Variants in ZNF717 observed in about 807,000 individuals in gnomAD.
The protein encoded by ZNF717 is zinc finger protein 717.
Under a neutral mutation model 13.8 loss-of-function variants are expected in ZNF717, and 9 were observed. That is an observed-to-expected ratio of 0.65 (90% CI 0.39 to 1.14). ZNF717 has a LOEUF of 1.14. ZNF717 is among the 50% of genes most tolerant of loss of function. The pLI is 0.01. For missense variants in ZNF717, 1,040 were observed against 1,080.7 expected, an observed-to-expected ratio of 0.96 and a Z score of 0.53; for synonymous variants, 327 against 364.1, an observed-to-expected ratio of 0.90 and a Z score of 1.16.
At chr3:75,760,290 C>T (rs374260310) in intron 2 of ZNF717, among the ~76,000 whole-genome samples, 4 of 143,992 alleles carry the variant, frequency 2.8e-5, no homozygotes, top group South Asian at 2.2e-4. Context: ...ATGATCCGCC[C>T]GCCTCGGCCT....
At chr3:75,771,497 C>T (rs1943864651) in intron 2 of ZNF717, among the ~76,000 whole-genome samples, 1 of 152,358 alleles carries the variant, frequency 6.6e-6, no homozygotes, top group Non-Finnish European at 1.5e-5. Context: ...CAGAGCAGGA[C>T]TGCTAGGGCC....
intron 2 of ZNF717, among the ~76,000 whole-genome samples, chr3:75,778,657 AGTGAC>A (rs1944539139): frequency 6.6e-6 from 1 of 151,824 alleles, no homozygotes. Context: ...AAACAATGGG[AGTGAC>A]GTGCTAAACC....
chr3:75,781,117 CTA>C (rs931338441), intron 2 of ZNF717, among the ~76,000 whole-genome samples: 4 of 152,244 alleles, frequency 2.6e-5, no homozygotes, highest in Admixed American at 6.5e-5. Context: ...CTCCATAATT[CTA>C]TATATGAGTC....
chr3:75,737,648 T>C lies in ZNF717; in HGVS notation c.1975A>G (p.Lys659Glu). 6.5e-7 allele frequency: 1 copy of C among 1,542,892 alleles called. No homozygotes were observed. Among genetic ancestry groups the C allele is most frequent in the Non-Finnish European group, 8.8e-7 (1 of 1,142,284 alleles). Residue 659 changes from lysine (K) to glutamate (E), a missense_variant, in exon 5 of 5, where the codon AAG becomes GAG. Physicochemically the swap from Lys to Glu is moderately conservative, Grantham distance 56. Around this residue, in one of 3 missense-constraint regions of ZNF717, gnomAD observed 873 missense variants for 832.8 expected, o/e 1.05. Transcript: ENST00000652011. ...CTCTGGTGTATGGTGAGGAATGACT[T>C]GCGATGAAAGGTTTTTCCACATTCA... ...CNECGKTFHR[K>E]SFLTIHQRTH...
intron 2 of ZNF717, among the ~76,000 whole-genome samples, chr3:75,765,035 A>ATGTATGTGTG (rs1943353047): frequency 1.2e-5 from 1 of 81,798 alleles, no homozygotes; most frequent in African/African-American, 4.1e-5. Flanking sequence ...ATATATGTAT[A>ATGTATGTGTG]TGTGTGTGTG....
chr3:75,744,143 TC>T (rs1205261788), intron 2 of ZNF717, among the ~76,000 whole-genome samples: 1 of 152,244 alleles, frequency 6.6e-6, no homozygotes, highest in Non-Finnish European at 1.5e-5. Flanking sequence ...CTGAGTTTAT[TC>T]CACGAATAAA....
chr3:75,772,785 A>C (rs975266647), intron 2 of ZNF717, among the ~76,000 whole-genome samples: 4 of 152,236 alleles, frequency 2.6e-5, no homozygotes, highest in Admixed American at 2.6e-4. Flanking sequence ...TGAGCAAAAC[A>C]CAGGTAAAGG....
chr3:75,732,157 T>C (rs1424958935), downstream of ZNF717: 11 of 702,712 alleles, frequency 1.6e-5, no homozygotes, highest in Admixed American at 2.0e-5. Flanking sequence ...TCTTAAAATA[T>C]GCCAGAGCAA....
rs1248228786 is a variant in ZNF717, at chr3:75,702,611, AAG to A, written n.1085+8574_1085+8575del. Among the ~76,000 whole-genome samples the A allele has an allele frequency of 7.9e-5, 12 of 152,412 alleles. No homozygotes were observed. The East Asian group carries it at 1.5e-3, about 20-fold the overall frequency. ...ATAATTTATACATTAAAAAAACTAA[AAG>A]AGTATAATTGGATTGTTTATAACAC... On this transcript the variant is annotated intron_variant and non_coding_transcript_variant, in intron 6 of 6. Coordinates refer to the ZNF717 transcript ENST00000648506.
intron 6 of ZNF717, among the ~76,000 whole-genome samples, chr3:75,698,148 C>CAAAAAAAA (rs61557684): frequency 1.5e-3 from 217 of 149,606 alleles, no homozygotes; most frequent in African/African-American, 5.0e-3. Context: ...CATGTTCTAG[C>CAAAAAAAA]AAAAAAAAAA....
intron 2 of ZNF717, among the ~76,000 whole-genome samples, chr3:75,779,660 C>A (rs1321450861): frequency 4.0e-5 from 6 of 151,432 alleles, no homozygotes; most frequent in East Asian, 2.0e-4. Flanking sequence ...AAACCAGAAC[C>A]CAAAACAATG....
downstream of ZNF717, among the ~76,000 whole-genome samples, chr3:75,728,284 G>A (rs1424896134): frequency 5.9e-3 from 901 of 152,324 alleles, 3 homozygotes; most frequent in Non-Finnish European, 7.7e-3. Flanking sequence ...CAAGAAAAAT[G>A]ACCAAGACAA....
intron 2 of ZNF717, among the ~76,000 whole-genome samples, chr3:75,777,928 C>A (rs2107706094): frequency 6.7e-6 from 1 of 149,100 alleles, no homozygotes; most frequent in Middle Eastern, 3.8e-3. Context: ...GAGTGACATG[C>A]TAAAACTGGA....
In ZNF717 at chr3:75,738,331, GCTT is replaced by G. The variant is rs1479069648; in HGVS notation, c.1289_1291del (p.Glu430del). Reference sequence around the variant, plus strand: ...AGTAAGCCTTGACTTATGGCTAAATGCTTCTTCACAATGGTCACATGCATAGGG... The same window carrying G: ...AGTAAGCCTTGACTTATGGCTAAATGCTTCACAATGGTCACATGCATAGGG... On this transcript the variant is annotated inframe_deletion, in exon 5 of 5. Coordinates refer to ENST00000652011, the MANE Select transcript of ZNF717 (RefSeq NM_001290208.3). 4 of 1,537,816 alleles carry G rather than the reference GCTT, an allele frequency of 2.6e-6. No individual in the cohort carries two copies. The African/African-American group carries it at 5.5e-5, about 21-fold the overall frequency.
intron 2 of ZNF717, among the ~76,000 whole-genome samples, chr3:75,748,565 T>C (rs1275103391): frequency 6.6e-6 from 1 of 152,136 alleles, no homozygotes; most frequent in East Asian, 1.9e-4. Context: ...TAATCCAGCA[T>C]ATAAACAGAA....
At chr3:75,708,211 G>C (rs1378079035), downstream of ZNF717, among the ~76,000 whole-genome samples, 1 of 152,286 alleles carries the variant, frequency 6.6e-6, no homozygotes, top group Admixed American at 6.5e-5. Context: ...AGTAGGGGCA[G>C]ACTGACACCT....
chr3:75,769,805 CAT>C (rs1943753927), intron 2 of ZNF717, among the ~76,000 whole-genome samples: 1 of 152,184 alleles, frequency 6.6e-6, no homozygotes. Flanking sequence ...TTTCCTTACT[CAT>C]TTTAAGCGGC....
At chr3:75,704,291 T>A (rs1468393187) in intron 6 of ZNF717, among the ~76,000 whole-genome samples, 1 of 152,308 alleles carries the variant, frequency 6.6e-6, no homozygotes, top group Non-Finnish European at 1.5e-5. Flanking sequence ...GCATAAGATC[T>A]AAGAATCCTA....
intron 2 of ZNF717, among the ~76,000 whole-genome samples, chr3:75,764,727 A>G (rs1435298370): frequency 6.6e-6 from 1 of 152,214 alleles, no homozygotes; most frequent in African/African-American, 2.4e-5. Context: ...CCACAATGGG[A>G]CATCACTTCA....
Sources: gnomAD v4.1 joint callset for allele counts (sites outside exome capture counted in the v4.1 genomes callset) on GRCh38, gnomAD v4.1.1 for gene constraint, gnomAD v4.1.1 regional missense constraint, MANE v1.5 for transcripts, NCBI Gene and HGNC (gene_info 2026-07-23, HGNC 2026-07-21) for gene names.